PPFIA2: variants seen among roughly 807,000 people sequenced by gnomAD.
PPFIA2 encodes the protein liprin-alpha-2.
A neutral mutation model predicts 175.5 loss-of-function variants in PPFIA2; 46 were observed. The observed-to-expected ratio is 0.26, with a 90% confidence interval of 0.21 to 0.34. The LOEUF (loss-of-function observed/expected upper bound fraction) is 0.34, where lower values mean the gene tolerates loss of function less well. Ranked by LOEUF, PPFIA2 falls within the 10% of genes least tolerant of loss-of-function variation. The pLI is 1.00. For missense variants in PPFIA2, 1,179 were observed against 1,506.1 expected, an observed-to-expected ratio of 0.78 and a Z score of 3.60; for synonymous variants, 568 against 511.4, an observed-to-expected ratio of 1.11 and a Z score of -1.49.
chr12:81,324,550 T>C (rs184924214), intron 22 of PPFIA2, among the ~76,000 whole-genome samples: 205 of 152,136 alleles, frequency 1.3e-3, no homozygotes, highest in Non-Finnish European at 2.5e-3. Context: ...CATTTAAAAA[T>C]CTTAACAAAG....
intron 4 of PPFIA2, among the ~76,000 whole-genome samples, chr12:81,613,968 G>A (rs979045578): frequency 4.6e-5 from 7 of 152,140 alleles, no homozygotes; most frequent in Non-Finnish European, 1.0e-4. Context: ...GCACTACTTG[G>A]TACTTAACAG....
At chr12:81,628,376 C>CT (rs11304359) in intron 4 of PPFIA2, among the ~76,000 whole-genome samples, 30,854 of 111,704 alleles carry the variant, frequency 0.28, 5,268 homozygotes, top group Non-Finnish European at 0.36. Context: ...TTTCTTTTAC[C>CT]TTTTTTTTTT....
chr12:81,550,385 G>A (rs1050458126), intron 4 of PPFIA2, among the ~76,000 whole-genome samples: 63 of 152,034 alleles, frequency 4.1e-4, no homozygotes, highest in African/African-American at 1.4e-3. Context: ...ATTTGTCAAG[G>A]CATAACGATA....
At chr12:81,647,832 A>G (rs955964590) in intron 4 of PPFIA2, among the ~76,000 whole-genome samples, 1 of 141,150 alleles carries the variant, frequency 7.1e-6, no homozygotes, top group African/African-American at 2.6e-5. Context: ...TATAGTATAT[A>G]TAATATATAA....
At chr12:81,296,504 C>A (rs1042254074) in intron 23 of PPFIA2, 5 of 152,102 alleles carry the variant, frequency 3.3e-5, no homozygotes, top group Admixed American at 6.6e-5. Flanking sequence ...GGAATATTCT[C>A]CCATTTTCCC....
intron 32 of PPFIA2, chr12:81,261,192 G>T (rs1201390965): frequency 2.0e-5 from 3 of 152,178 alleles, no homozygotes; most frequent in Non-Finnish European, 4.4e-5. Context: ...TGTAATAAAG[G>T]TTTGAATTTT....
intron 22 of PPFIA2, among the ~76,000 whole-genome samples, chr12:81,299,823 T>A (rs973380484): frequency 5.3e-5 from 8 of 152,118 alleles, no homozygotes; most frequent in African/African-American, 1.7e-4. Context: ...GAAGATAAAT[T>A]TGGTCCTTTT....
chr12:81,401,531 A>G (rs1156920653), intron 8 of PPFIA2, among the ~76,000 whole-genome samples: 1 of 152,192 alleles, frequency 6.6e-6, no homozygotes, highest in African/African-American at 2.4e-5. Context: ...TATTTTTGAT[A>G]CCACAATATT....
At chr12:81,426,402 C>A (rs1366847119) in intron 7 of PPFIA2, among the ~76,000 whole-genome samples, 1 of 152,060 alleles carries the variant, frequency 6.6e-6, no homozygotes, top group Non-Finnish European at 1.5e-5. Context: ...TGCTGTGAGG[C>A]TTTCTAGTGA....
chr12:81,319,499 C>A (rs1166868276), intron 22 of PPFIA2, among the ~76,000 whole-genome samples: 1 of 151,706 alleles, frequency 6.6e-6, no homozygotes, highest in African/African-American at 2.4e-5. Flanking sequence ...CATATTTTTC[C>A]AGAGAAATTT....
rs532138648 is a variant in PPFIA2, at chr12:81,598,399, T to C, written c.303+78392A>G. On this transcript the variant is annotated intron_variant, in intron 4 of 32. Transcript: ENST00000549396. ...TGATAATCACCTCCCTCCACCACAG[T>C]CTAGCAGAGTGATTATGCTAAATAT... 2.0e-5 allele frequency: 21 copies of C among 1,050,950 alleles called. 1 individual carries two copies. The East Asian group carries it at 1.6e-3, about 80-fold the overall frequency. 65.1% of individuals were successfully genotyped at this position (1,050,950 alleles called of 1,614,324 possible).
At chr12:81,733,726 T>G (rs1442158887) in intron 3 of PPFIA2, among the ~76,000 whole-genome samples, 1 of 151,796 alleles carries the variant, frequency 6.6e-6, no homozygotes, top group Non-Finnish European at 1.5e-5. Context: ...TTATTCATTT[T>G]CTGTCATACT....
intron 21 of PPFIA2, among the ~76,000 whole-genome samples, chr12:81,330,172 T>C (rs1417589860): frequency 6.6e-6 from 1 of 152,120 alleles, no homozygotes; most frequent in Non-Finnish European, 1.5e-5. Context: ...AGGATTCTCA[T>C]GCTCCTACGC....
chr12:81,722,716 C>T (rs1042344374), intron 3 of PPFIA2, among the ~76,000 whole-genome samples: 9 of 150,682 alleles, frequency 6.0e-5, no homozygotes, highest in Non-Finnish European at 8.9e-5. Flanking sequence ...CCAGTTCCTA[C>T]GAAGGAAGTT....
In PPFIA2 at chr12:81,581,694, C is replaced by T. The variant is rs554822747; in HGVS notation, c.303+95097G>A. ...CCAGTAACTAGAATAGAACTTTGTA[C>T]ATAATAGTCACGTGAGTCAAACAAA... is the stretch of plus-strand genomic sequence containing the variant. On this transcript the variant is annotated intron_variant, in intron 4 of 32. Transcript: ENST00000549396. 1.7e-4 allele frequency among the ~76,000 whole-genome samples: 26 copies of T among 150,946 alleles called. No individual in the cohort carries two copies. The East Asian group carries it at 3.8e-3, about 22-fold the overall frequency.
intron 16 of PPFIA2, among the ~76,000 whole-genome samples, chr12:81,355,182 A>T (rs146953119): frequency 2.0e-5 from 3 of 152,304 alleles, no homozygotes; most frequent in East Asian, 3.9e-4. Context: ...CGAAAAAAAC[A>T]ATCTCTTTGA....
At chr12:81,651,098 C>T (rs967051697) in intron 4 of PPFIA2, among the ~76,000 whole-genome samples, 1 of 152,072 alleles carries the variant, frequency 6.6e-6, no homozygotes, top group South Asian at 2.1e-4. Flanking sequence ...ATATAATGTA[C>T]TAATTTGAGG....
chr12:81,352,377 C>CAG (rs112117854), intron 17 of PPFIA2, among the ~76,000 whole-genome samples: 95 of 145,242 alleles, frequency 6.5e-4, no homozygotes, highest in Non-Finnish European at 8.2e-4. Flanking sequence ...GGGGGGCAGA[C>CAG]AGAGAGAGAG....
chr12:81,460,208 C>T (rs1370184121), intron 4 of PPFIA2, among the ~76,000 whole-genome samples: 4 of 152,054 alleles, frequency 2.6e-5, no homozygotes, highest in Admixed American at 2.0e-4. Context: ...ATCATGGGAG[C>T]AGTTTCCCTT....
Sources: gnomAD v4.1 joint callset for allele counts (sites outside exome capture counted in the v4.1 genomes callset) on GRCh38, gnomAD v4.1.1 for gene constraint, MANE v1.5 for transcripts, NCBI Gene and HGNC (gene_info 2026-07-23, HGNC 2026-07-21) for gene names.